Variants in NMUR2 observed in about 807,000 individuals in gnomAD.
NMUR2 encodes neuromedin-U receptor 2.
A neutral mutation model predicts 25.1 loss-of-function variants in NMUR2; 24 were observed. That is an observed-to-expected ratio of 0.96 (90% confidence interval 0.69 to 1.34). The LOEUF (loss-of-function observed/expected upper bound fraction) is 1.34. Among genes scored for constraint, NMUR2 ranks in the 40% most tolerant of loss-of-function variants. The pLI is 0.00. For synonymous variants in NMUR2, 218 were observed against 208.1 expected (o/e 1.05, Z -0.41); for missense variants, 533 against 512.8 (o/e 1.04, Z -0.38).
chr5:152,402,843 G>C (rs561521967), intron 1 of NMUR2, among the ~76,000 whole-genome samples: 1 of 152,190 alleles, frequency 6.6e-6, no homozygotes, highest in Non-Finnish European at 1.5e-5. Flanking sequence ...CCCTCCAGGA[G>C]GGGACTGGCA....
intron 1 of NMUR2, among the ~76,000 whole-genome samples, chr5:152,399,016 G>A (rs947669121): frequency 6.6e-6 from 1 of 152,108 alleles, no homozygotes; most frequent in Non-Finnish European, 1.5e-5. Flanking sequence ...GAAAGACTTT[G>A]ATGACCACTT....
At position 152,394,435 on chromosome 5, in the gene NMUR2, C is replaced by T. The variant is rs1753115004; in HGVS notation, c.937+1024G>A. Among the ~76,000 whole-genome samples the T allele has an allele frequency of 2.6e-5, 4 of 152,278 alleles. 1 individual carries two copies. The South Asian group carries it at 8.3e-4, about 32-fold the overall frequency. On this transcript the variant is annotated intron_variant, in intron 3 of 3. Transcript: ENST00000255262. Reference sequence around the variant, plus strand: ...ACTTGTAAAAGGTGATCTTATCTTTCCTTTCCGGTGATGTCTTCTATAATC... The same window carrying T: ...ACTTGTAAAAGGTGATCTTATCTTTTCTTTCCGGTGATGTCTTCTATAATC...
At chr5:152,399,174 G>A (rs1359124461) in intron 1 of NMUR2, among the ~76,000 whole-genome samples, 2 of 152,144 alleles carry the variant, frequency 1.3e-5, no homozygotes, top group Non-Finnish European at 2.9e-5. Context: ...AAGGACTCAT[G>A]ATAAAATACC....
rs139903210 is a variant in NMUR2, at chr5:152,404,972, C to T, written c.142G>A (p.Val48Met). 2 of 1,613,896 alleles carry T rather than the reference C, an allele frequency of 1.2e-6. No homozygotes were observed. Among genetic ancestry groups the T allele is most frequent in the East Asian group, 2.2e-5 (1 of 44,830 alleles). The change falls in exon 1 of 4, where the codon GTG becomes ATG. Residue 48 changes from valine to methionine, a missense_variant. Transcript: ENST00000255262. ...GPRRSHFFLPVSVVYVPIFVV... is the reference protein window; with the variant it reads ...GPRRSHFFLPMSVVYVPIFVV... ...AAAATTGGCACATACACCACAGACA[C>T]GGGGAGGAAGAAGTGGCTGCGCCGA...
chr5:152,396,213 CACACACACACACTT>C (rs1561696988), intron 2 of NMUR2, among the ~76,000 whole-genome samples: 2 of 151,404 alleles, frequency 1.3e-5, no homozygotes. Context: ...CACACACACA[CACACACACACACTT>C]TTTTTTTTTC....
chr5:152,397,959 G>T, intron 2 of NMUR2, 101 bp downstream of exon 2: 1 of 758,116 alleles, frequency 1.3e-6, no homozygotes, highest in Non-Finnish European at 2.3e-6. Flanking sequence ...CTCTGTTTCA[G>T]GATAAATTGG....
intron 2 of NMUR2, among the ~76,000 whole-genome samples, chr5:152,396,627 C>G (rs909938073): frequency 1.3e-5 from 2 of 152,048 alleles, no homozygotes; most frequent in Non-Finnish European, 2.9e-5. Flanking sequence ...TCCTGACGGG[C>G]GTGGTGGCTC....
At position 152,392,301 on chromosome 5, in the gene NMUR2, G is replaced by A. The variant is rs771196482; in HGVS notation, c.1138C>T (p.Pro380Ser). ...ATGGATGACTGACATGGGAATTGGG[G>A]ACCTATATCTTCGGTCAGCTCCACA... Reference protein sequence around the residue: ...HFVELTEDIGPQFPCQSSMHN... With the variant: ...HFVELTEDIGSQFPCQSSMHN... The change falls in exon 4 of 4, where the codon CCC (proline) becomes TCC (serine). Residue 380 changes from proline to serine, a missense_variant. Physicochemically the swap from Pro to Ser is moderately conservative, Grantham distance 74 (BLOSUM62 -1). Coordinates refer to ENST00000255262, the MANE Select transcript of NMUR2 (RefSeq NM_020167.5). 5 of 1,613,832 alleles carry A rather than the reference G, an allele frequency of 3.1e-6. No individual in the cohort carries two copies. In the African/African-American group the frequency reaches 5.3e-5, roughly 17 times the overall value.
intron 3 of NMUR2, 133 bp downstream of exon 3, chr5:152,395,324 GAA>G: frequency 3.0e-6 from 3 of 987,878 alleles, no homozygotes; most frequent in East Asian, 5.0e-5. Context: ...CTGAATAAAA[GAA>G]AAATCAAATG....
Position 152,398,162 on chromosome 5 carries a change from TG to T in NMUR2, c.727-19del. Reference sequence around the variant, plus strand: ...TTCTTTAGCTGAAAGGGAAGTAAGTTGGGAGAGATAGTAAGAAAGAGAAACA... The same window carrying T: ...TTCTTTAGCTGAAAGGGAAGTAAGTTGGAGAGATAGTAAGAAAGAGAAACA... On this transcript the variant is annotated intron_variant, in intron 1 of 3. Coordinates refer to ENST00000255262, the MANE Select transcript of NMUR2 (RefSeq NM_020167.5). 6.4e-7 allele frequency: 1 copy of T among 1,565,192 alleles called. No homozygotes were observed. Among genetic ancestry groups the T allele is most frequent in the Admixed American group, 1.7e-5 (1 of 58,940 alleles).
chr5:152,393,383 G>A (rs1753095592), intron 3 of NMUR2, among the ~76,000 whole-genome samples: 1 of 152,078 alleles, frequency 6.6e-6, no homozygotes, highest in African/African-American at 2.4e-5. Context: ...ATTGCCAAAA[G>A]GTTCCTTGTT....
chr5:152,396,787 G>A (rs984222005), intron 2 of NMUR2, among the ~76,000 whole-genome samples: 1 of 151,948 alleles, frequency 6.6e-6, no homozygotes, highest in African/African-American at 2.4e-5. Context: ...AGCTACTCAG[G>A]AGGCTGAGGC....
At position 152,404,705 on chromosome 5, in the gene NMUR2, T is replaced by G. The variant is rs144629491; in HGVS notation, c.409A>C (p.Ile137Leu). ...TAGCGCTCCACGCTGACGGTGGTGA[T>G]GCTGAGGATGGAGGCGAAGCACACG... ...ETVCFASILSITTVSVERYVA... is the reference protein window; with the variant it reads ...ETVCFASILSLTTVSVERYVA... Residue 137 changes from isoleucine to leucine, a missense_variant, in exon 1 of 4, where the codon ATC (isoleucine) becomes CTC (leucine). Ile to Leu is a conservative substitution (Grantham distance 5). Coordinates refer to ENST00000255262, the MANE Select transcript of NMUR2 (RefSeq NM_020167.5). 20 of 1,613,928 alleles carry G rather than the reference T, an allele frequency of 1.2e-5. No individual in the cohort carries two copies. In the African/African-American group the frequency reaches 2.7e-4, roughly 22 times the overall value.
chr5:152,397,320 C>T (rs906937720), intron 2 of NMUR2, among the ~76,000 whole-genome samples: 5 of 152,110 alleles, frequency 3.3e-5, no homozygotes, highest in Non-Finnish European at 5.9e-5. Flanking sequence ...ATCAGTAACT[C>T]CTCTCATATA....
At chr5:152,398,204 A>G (rs551238848) in intron 1 of NMUR2, 60 bp from the exon 2 acceptor site, 2 of 1,206,448 alleles carry the variant, frequency 1.7e-6, no homozygotes, top group East Asian at 4.7e-5. Flanking sequence ...CCTCCTGTTA[A>G]AATCTGAGAA....
chr5:152,394,941 T>C (rs546461554), intron 3 of NMUR2, among the ~76,000 whole-genome samples: 1 of 150,468 alleles, frequency 6.6e-6, no homozygotes, highest in African/African-American at 2.4e-5. Context: ...AATGGTGAAA[T>C]TGGGTTGCAA....
intron 1 of NMUR2, among the ~76,000 whole-genome samples, chr5:152,398,360 G>C (rs1753198692): frequency 2.0e-5 from 3 of 152,162 alleles, no homozygotes; most frequent in African/African-American, 7.2e-5. Context: ...CCAAGTAATA[G>C]TGCAACCACT....
In NMUR2 at chr5:152,398,016, C is replaced by G. The variant is rs779978596; in HGVS notation, c.811+44G>C. On this transcript the variant is annotated intron_variant, in intron 2 of 3. Coordinates refer to ENST00000255262, the MANE Select transcript of NMUR2 (RefSeq NM_020167.5). ...GTTGGTACCAAATGTACCTCCTTTG[C>G]TCTTATGAACAAAACAAAACAAAAA... 5.0e-6 allele frequency: 7 copies of G among 1,405,716 alleles called. No individual in the cohort carries two copies. In the African/African-American group the frequency reaches 9.9e-5, roughly 20 times the overall value. 87.1% of individuals were successfully genotyped at this position (1,405,716 alleles called of 1,614,324 possible).
rs770980495 is a variant in NMUR2, at chr5:152,395,362, C to T, written c.937+97G>A. ...TCTTCATTATAGCATGGCAGATCCC[C>T]GTGATAAATTGGAGTACTTAGGCAT... On this transcript the variant is annotated intron_variant, in intron 3 of 3. Transcript: ENST00000255262. The T allele has an allele frequency of 3.1e-5, 42 of 1,350,044 alleles. No individual in the cohort carries two copies. In the East Asian group the frequency reaches 4.2e-4, roughly 13 times the overall value. 83.6% of individuals were successfully genotyped at this position (1,350,044 alleles called of 1,614,324 possible).
Sources: allele counts gnomAD v4.1 joint callset (sites outside exome capture counted in the v4.1 genomes callset), GRCh38; gene constraint gnomAD v4.1.1; transcripts MANE v1.5; gene names NCBI Gene and HGNC (gene_info 2026-07-23, HGNC 2026-07-21).